The following SLC25A48 variants were observed in gnomAD, a reference collection of about 807,000 sequenced individuals.
The protein encoded by SLC25A48 is CTC-321K16.1.
A neutral mutation model predicts 32.2 loss-of-function variants in SLC25A48; 29 were observed. The observed-to-expected ratio is 0.90, with a 90% CI of 0.67 to 1.23. SLC25A48 has a LOEUF of 1.23. Ranked by LOEUF, SLC25A48 falls within the 50% of genes most tolerant of loss-of-function variation. The pLI is 0.00. For missense variants in SLC25A48, 399 were observed against 422.7 expected, an observed-to-expected ratio of 0.94 and a Z score of 0.49; for synonymous variants, 164 against 172.3, an observed-to-expected ratio of 0.95 and a Z score of 0.38.
intron 3 of SLC25A48, among the ~76,000 whole-genome samples, chr5:135,705,202 C>A (rs1451556805): frequency 1.3e-5 from 2 of 149,484 alleles, no homozygotes; most frequent in Admixed American, 6.6e-5. Flanking sequence ...TTCAGGCCTG[C>A]ATTTTTGAGA....
chr5:135,786,295 G>T (rs1372912672), intron 3 of SLC25A48, among the ~76,000 whole-genome samples: 2 of 152,084 alleles, frequency 1.3e-5, no homozygotes, highest in South Asian at 4.1e-4. Context: ...TAATATTTTA[G>T]GGTGATGTTT....
chr5:135,632,208 G>C (rs535391528), intron 2 of SLC25A48, among the ~76,000 whole-genome samples: 1 of 152,224 alleles, frequency 6.6e-6, no homozygotes, highest in African/African-American at 2.4e-5. Context: ...CGTAGGCTTT[G>C]TCTTGAGGGC....
intron 4 of SLC25A48, among the ~76,000 whole-genome samples, chr5:135,816,475 C>T (rs1008393480): frequency 3.3e-5 from 5 of 152,158 alleles, no homozygotes; most frequent in African/African-American, 1.2e-4. Flanking sequence ...CCATTTGCTA[C>T]TGTCTATTAC....
intron 3 of SLC25A48, among the ~76,000 whole-genome samples, chr5:135,750,621 G>A (rs900727086): frequency 2.8e-4 from 42 of 152,098 alleles, no homozygotes; most frequent in African/African-American, 7.5e-4. Flanking sequence ...ATACAGGGAT[G>A]GGGGGCAATG....
chr5:135,652,352 T>TA (rs1331168233), intron 3 of SLC25A48: 1 of 455,662 alleles, frequency 2.2e-6, no homozygotes, highest in Non-Finnish European at 4.4e-6. Context: ...GAAATCGACT[T>TA]ACCTTCTTTG....
At chr5:135,731,168 G>A (rs1561467069) in intron 3 of SLC25A48, among the ~76,000 whole-genome samples, 1 of 152,142 alleles carries the variant, frequency 6.6e-6, no homozygotes, top group Non-Finnish European at 1.5e-5. Flanking sequence ...TACAGTCAAA[G>A]GGGGTTGTTC....
chr5:135,691,510 G>A lies in SLC25A48; in HGVS notation c.-521+56554G>A, dbSNP rs190207064. 1.2e-4 allele frequency among the ~76,000 whole-genome samples: 19 copies of A among 152,270 alleles called. 1 individual carries two copies. Among genetic ancestry groups the A allele is most frequent in the Non-Finnish European group, 2.2e-4 (15 of 68,022 alleles). ...GCACTGCATGGGGCATCTTGTGTGT[G>A]CCTCTTCTTGGGCATTTAGAAATAG... On this transcript the variant is annotated intron_variant, in intron 3 of 10. Coordinates refer to the SLC25A48 transcript ENST00000646290.
At chr5:135,880,832 C>T (rs1371290653) in intron 7 of SLC25A48, among the ~76,000 whole-genome samples, 1 of 152,180 alleles carries the variant, frequency 6.6e-6, no homozygotes, top group Admixed American at 6.5e-5. Context: ...TCCTACTTGT[C>T]CTTGGCTTCA....
chr5:135,707,822 C>A (rs555854705), intron 3 of SLC25A48, among the ~76,000 whole-genome samples: 1 of 152,162 alleles, frequency 6.6e-6, no homozygotes, highest in African/African-American at 2.4e-5. Flanking sequence ...AGCTTGTCTG[C>A]GAGGGCATGT....
intron 3 of SLC25A48, among the ~76,000 whole-genome samples, chr5:135,728,669 A>G (rs186431746): frequency 4.6e-5 from 7 of 152,284 alleles, no homozygotes; most frequent in Middle Eastern, 6.8e-3. Flanking sequence ...AACTTATTTG[A>G]GTGAAATTGC....
intron 3 of SLC25A48, among the ~76,000 whole-genome samples, chr5:135,777,051 A>G (rs1756582698): frequency 6.6e-6 from 1 of 151,828 alleles, no homozygotes; most frequent in East Asian, 1.9e-4. Context: ...AGAGAGGATT[A>G]TATTACTCCC....
chr5:135,688,720 T>C (rs1754075732), intron 3 of SLC25A48, among the ~76,000 whole-genome samples: 1 of 152,194 alleles, frequency 6.6e-6, no homozygotes, highest in Admixed American at 6.5e-5. Context: ...GGGTTGGGCA[T>C]GAGTTCATCG....
At chr5:135,586,989 A>G (rs542475269) in intron 1 of SLC25A48, among the ~76,000 whole-genome samples, 54 of 152,300 alleles carry the variant, frequency 3.5e-4, no homozygotes, top group Admixed American at 9.8e-4. Context: ...ACCTTGGTTC[A>G]GGGAAGTTCT....
At chr5:135,876,719 C>T (rs1294071991) in intron 6 of SLC25A48, among the ~76,000 whole-genome samples, 1 of 152,118 alleles carries the variant, frequency 6.6e-6, no homozygotes, top group Non-Finnish European at 1.5e-5. Flanking sequence ...TCTATGTATG[C>T]TTGTATATGT....
chr5:135,754,501 A>G (rs1755847834), intron 3 of SLC25A48, among the ~76,000 whole-genome samples: 1 of 151,786 alleles, frequency 6.6e-6, no homozygotes, highest in African/African-American at 2.4e-5. Context: ...TGATATTAAT[A>G]AAATATCACT....
In SLC25A48 at chr5:135,852,754, C is replaced by A. The variant is rs762342941; in HGVS notation, c.354C>A (p.Val118=). 2 of 1,614,066 alleles carry A rather than the reference C, an allele frequency of 1.2e-6. No homozygotes were observed. Among genetic ancestry groups the A allele is most frequent in the Non-Finnish European group, 1.7e-6 (2 of 1,179,978 alleles). Residue 118 remains valine, a synonymous_variant, in exon 4 of 8, where the codon GTC becomes GTA. Transcript: ENST00000681962. ...LASMVAGVVS[V]GLGGPVDLIK... ...GCATGGTGGCCGGCGTGGTCTCTGTCGGGCTGGGAGGGCCCGTGGACCTCA... is the reference window on the plus strand; with the variant it reads ...GCATGGTGGCCGGCGTGGTCTCTGTAGGGCTGGGAGGGCCCGTGGACCTCA...
chr5:135,786,915 A>C (rs140533735), intron 3 of SLC25A48, among the ~76,000 whole-genome samples: 1 of 152,028 alleles, frequency 6.6e-6, no homozygotes, highest in African/African-American at 2.4e-5. Context: ...ATGTGTGTAC[A>C]TCCTGTGATA....
At chr5:135,742,223 G>C (rs993033475) in intron 3 of SLC25A48, among the ~76,000 whole-genome samples, 1 of 152,162 alleles carries the variant, frequency 6.6e-6, no homozygotes, top group African/African-American at 2.4e-5. Flanking sequence ...GGGATTACAG[G>C]CCTGTGCTAC....
intron 3 of SLC25A48, among the ~76,000 whole-genome samples, chr5:135,768,716 A>G (rs1406714498): frequency 6.6e-6 from 1 of 151,460 alleles, no homozygotes; most frequent in Admixed American, 6.6e-5. Flanking sequence ...CCCTTGTTAT[A>G]TTTTTCATAA....
Sources: allele counts gnomAD v4.1 joint callset (sites outside exome capture counted in the v4.1 genomes callset), GRCh38; gene constraint gnomAD v4.1.1; transcripts MANE v1.5; gene names NCBI Gene and HGNC (gene_info 2026-07-23, HGNC 2026-07-21).